OXR1: variants seen among roughly 807,000 people sequenced by gnomAD.
OXR1 encodes oxidation resistance 1, also known as oxidation resistance protein 1.
Under a neutral mutation model 104.6 loss-of-function variants are expected in OXR1, and 41 were observed. That is an observed-to-expected ratio of 0.39 (90% confidence interval 0.31 to 0.51). OXR1 has a LOEUF of 0.51. Ranked by LOEUF, OXR1 falls within the 20% of genes least tolerant of loss-of-function variation. OXR1 has a pLI of 0.77. For synonymous variants in OXR1, 348 were observed against 348.4 expected, an observed-to-expected ratio of 1.00 and a Z score of 0.01; for missense variants, 955 against 1,031.9, an observed-to-expected ratio of 0.93 and a Z score of 1.02.
chr8:106,391,947 G>A (rs1046812560), intron 2 of OXR1, among the ~76,000 whole-genome samples: 1 of 152,118 alleles, frequency 6.6e-6, no homozygotes, highest in East Asian at 1.9e-4. Context: ...GACACCAGCT[G>A]GGATTGTTAT....
In OXR1 at chr8:106,706,847, T is replaced by A. The variant is rs1488415535; in HGVS notation, c.1326T>A (p.Ser442Arg). The change falls in exon 9 of 17, where the codon AGT becomes AGA. Residue 442 changes from serine (S) to arginine (R), a missense_variant. Ser to Arg is a moderately radical substitution (Grantham distance 110). Transcript: ENST00000517566. ...GISGPKEDST[S>R]IKGNSDQDSF... ...CAGGTCCTAAAGAAGACAGCACAAG[T>A]ATAAAAGGTAATTCAGACCAGGATT... The A allele has an allele frequency of 6.2e-7, 1 of 1,612,266 alleles. No individual in the cohort carries two copies. The highest frequency in any genetic ancestry group is 8.5e-7 in the Non-Finnish European group (1 of 1,179,604).
chr8:106,494,140 C>G (rs1811272492), intron 2 of OXR1, among the ~76,000 whole-genome samples: 1 of 152,136 alleles, frequency 6.6e-6, no homozygotes, highest in Non-Finnish European at 1.5e-5. Flanking sequence ...AGAGAACATG[C>G]TGCAGTTCAT....
intron 13 of OXR1, 171 bp from the exon 14 acceptor site, chr8:106,740,172 A>G (rs1156787332): frequency 2.0e-6 from 1 of 500,730 alleles, no homozygotes; most frequent in Non-Finnish European, 3.5e-6. Flanking sequence ...TATTCTGAGA[A>G]ATGTGTAATA....
At chr8:106,370,034 G>A (rs1161446269) in intron 2 of OXR1, among the ~76,000 whole-genome samples, 4 of 152,176 alleles carry the variant, frequency 2.6e-5, no homozygotes, top group Non-Finnish European at 5.9e-5. Context: ...CCATGAGGAT[G>A]GAATGTTTTT....
intron 1 of OXR1, among the ~76,000 whole-genome samples, chr8:106,294,273 G>A (rs1358791396): frequency 7.3e-5 from 11 of 151,466 alleles, no homozygotes; most frequent in Admixed American, 6.6e-4. Context: ...GCATGTGCCT[G>A]TGATCCCAGC....
chr8:106,383,298 G>A lies in OXR1; in HGVS notation c.23+23662G>A, dbSNP rs72678545. Among the ~76,000 whole-genome samples, 432 of 152,232 alleles carry A rather than the reference G, an allele frequency of 2.8e-3. 2 individuals carry two copies. Among genetic ancestry groups the A allele is most frequent in the Non-Finnish European group, 4.8e-3 (329 of 68,018 alleles). On this transcript the variant is annotated intron_variant, in intron 2 of 16. Coordinates refer to ENST00000517566, the MANE Select transcript of OXR1 (RefSeq NM_001198533.2). ...GTAAAGTTTCCATGAGTTTCACATAGTTAACATCATTGGTTTCTGGATATC... is the reference window on the plus strand; with the variant it reads ...GTAAAGTTTCCATGAGTTTCACATAATTAACATCATTGGTTTCTGGATATC...
intron 3 of OXR1, among the ~76,000 whole-genome samples, chr8:106,632,315 C>G (rs1006933973): frequency 2.6e-5 from 4 of 152,116 alleles, no homozygotes; most frequent in African/African-American, 9.7e-5. Flanking sequence ...TGTCTTTTAT[C>G]TTTATATGGA....
chr8:106,300,315 T>C (rs977762679), intron 1 of OXR1, among the ~76,000 whole-genome samples: 1 of 152,060 alleles, frequency 6.6e-6, no homozygotes. Flanking sequence ...GTATTAACTT[T>C]GATTAATTTG....
intron 2 of OXR1, among the ~76,000 whole-genome samples, chr8:106,472,374 A>G (rs1821562048): frequency 6.6e-6 from 1 of 151,832 alleles, no homozygotes; most frequent in Non-Finnish European, 1.5e-5. Flanking sequence ...GTGACTCAGT[A>G]AATCAAGCAA....
At chr8:106,615,282 T>C (rs1821123236) in intron 3 of OXR1, among the ~76,000 whole-genome samples, 1 of 151,874 alleles carries the variant, frequency 6.6e-6, no homozygotes, top group African/African-American at 2.4e-5. Flanking sequence ...ATACAAAAAA[T>C]TCAGCCAGGC....
chr8:106,418,473 C>G (rs758193203), intron 2 of OXR1, among the ~76,000 whole-genome samples: 10 of 151,944 alleles, frequency 6.6e-5, no homozygotes, highest in Non-Finnish European at 1.5e-4. Context: ...GACTTTTCTT[C>G]TAACAAAATG....
chr8:106,346,747 A>AT (rs397781650), intron 1 of OXR1, among the ~76,000 whole-genome samples: 1 of 151,916 alleles, frequency 6.6e-6, no homozygotes, highest in East Asian at 1.9e-4. Context: ...GTTCCAAAAA[A>AT]TGGAAGCTCT....
At chr8:106,632,417 C>A (rs997552100) in intron 3 of OXR1, among the ~76,000 whole-genome samples, 5 of 152,106 alleles carry the variant, frequency 3.3e-5, no homozygotes, top group African/African-American at 4.8e-5. Context: ...TCATCTAATT[C>A]ATTTTTATGT....
At chr8:106,679,420 T>C (rs1364773767) in intron 4 of OXR1, 128 bp downstream of exon 4, 3 of 442,504 alleles carry the variant, frequency 6.8e-6, no homozygotes, top group Middle Eastern at 1.2e-3. Context: ...TATTTCACTT[T>C]GGATAATTGT....
chr8:106,322,247 C>A (rs1030404911), intron 1 of OXR1, among the ~76,000 whole-genome samples: 1 of 152,118 alleles, frequency 6.6e-6, no homozygotes, highest in Non-Finnish European at 1.5e-5. Flanking sequence ...GTTCAACATA[C>A]ACAAATTAAT....
At chr8:106,565,705 A>G (rs1236338600) in intron 3 of OXR1, among the ~76,000 whole-genome samples, 1 of 152,210 alleles carries the variant, frequency 6.6e-6, no homozygotes, top group African/African-American at 2.4e-5. Context: ...AGCTGCAGGC[A>G]TCATGCTACC....
intron 2 of OXR1, among the ~76,000 whole-genome samples, chr8:106,434,865 G>T (rs2130572759): frequency 6.6e-6 from 1 of 152,226 alleles, no homozygotes; most frequent in Middle Eastern, 3.4e-3. Context: ...AATCATTGAG[G>T]TCTCTACTTC....
Position 106,326,813 on chromosome 8 carries a change from A to G in OXR1, c.-138-32663A>G, listed in dbSNP as rs141157678. On this transcript the variant is annotated intron_variant, in intron 1 of 16. Coordinates refer to ENST00000517566, the MANE Select transcript of OXR1 (RefSeq NM_001198533.2). ...CAATAGGGAATGGAGTCAGAGAGGT[A>G]GTAGGGAAGGGTAGAGGGACATCAT... Among the ~76,000 whole-genome samples the G allele has an allele frequency of 4.2e-3, 637 of 152,312 alleles. 2 individuals are homozygous for G. Among genetic ancestry groups the G allele is most frequent in the African/African-American group, 0.015 (617 of 41,580 alleles).
At chr8:106,742,085 T>C in intron 14 of OXR1, 137 bp from the exon 15 acceptor site, 2 of 592,738 alleles carry the variant, frequency 3.4e-6, no homozygotes, top group South Asian at 4.2e-5. Flanking sequence ...TAACCATTTT[T>C]CCCTTTTTAA....
Sources: gnomAD v4.1 joint callset for allele counts (sites outside exome capture counted in the v4.1 genomes callset) on GRCh38, gnomAD v4.1.1 for gene constraint, MANE v1.5 for transcripts, NCBI Gene and HGNC (gene_info 2026-07-23, HGNC 2026-07-21) for gene names.